HEATR6: variants seen among roughly 807,000 people sequenced by gnomAD.
HEATR6 encodes the protein HEAT repeat-containing protein 6.
A neutral mutation model predicts 132.8 loss-of-function variants in HEATR6; 106 were observed. The observed-to-expected ratio is 0.80, with a 90% CI of 0.68 to 0.94. The LOEUF is 0.94. Among genes scored for constraint, HEATR6 ranks in the 40% least tolerant of loss-of-function variants. HEATR6 has a pLI of 0.00. For missense variants in HEATR6, 1,339 were observed against 1,425.1 expected, an observed-to-expected ratio of 0.94 and a Z score of 0.97; for synonymous variants, 529 against 537.8, an observed-to-expected ratio of 0.98 and a Z score of 0.23.
chr17:60,070,815 G>T lies in HEATR6; in HGVS notation c.700-8C>A. On this transcript the variant is annotated splice_region_variant and splice_polypyrimidine_tract_variant and intron_variant, in intron 5 of 19. Transcript: ENST00000184956. ...TAATGCATTTTGCAATAACTAGGGGGAAAAGGGAGACCCAGTTAGAAGGCA... is the reference window on the plus strand; with the variant it reads ...TAATGCATTTTGCAATAACTAGGGGTAAAAGGGAGACCCAGTTAGAAGGCA... The T allele has an allele frequency of 7.0e-7, 1 of 1,424,146 alleles. No individual in the cohort carries two copies. Among genetic ancestry groups the T allele is most frequent in the Non-Finnish European group, 9.9e-7 (1 of 1,006,958 alleles). The allele number at this position is 1,424,146 out of a possible 1,614,324, so 88.2% of individuals were successfully genotyped here. A position where few individuals can be genotyped will look rare whatever the true frequency, so the allele number is the denominator to read the frequency against.
chr17:60,078,206 C>A (rs2083306012), intron 1 of HEATR6, among the ~76,000 whole-genome samples: 1 of 152,126 alleles, frequency 6.6e-6, no homozygotes, highest in African/African-American at 2.4e-5. Flanking sequence ...AGGGGAGGAG[C>A]TAGTGTGTAG....
Position 60,043,180 on chromosome 17 carries a change from G to A in HEATR6, c.*383C>T. On this transcript the variant is annotated 3_prime_UTR_variant, in exon 20 of 20. Transcript: ENST00000184956. ...GAAATACAACTTGGTAACAACAGGAGATTGTGGACACACTATTTTTCGTTA... is the reference window on the plus strand; with the variant it reads ...GAAATACAACTTGGTAACAACAGGAAATTGTGGACACACTATTTTTCGTTA... The A allele has an allele frequency of 4.0e-6, 1 of 251,298 alleles. No homozygotes were observed. The highest frequency in any genetic ancestry group is 7.9e-6 in the Non-Finnish European group (1 of 127,152). 15.6% of individuals were successfully genotyped at this position (251,298 alleles called of 1,614,324 possible).
chr17:60,071,619 A>C (rs2145200683), intron 5 of HEATR6, among the ~76,000 whole-genome samples: 1 of 152,358 alleles, frequency 6.6e-6, no homozygotes, highest in South Asian at 2.1e-4. Flanking sequence ...ACAGGAACCG[A>C]ATAGATGTCC....
In HEATR6 at chr17:60,055,564, T is replaced by C. The variant is rs947799635; in HGVS notation, c.2240A>G (p.Tyr747Cys). ...AGGTGCTGCAGTGGAGTCTGGTTTA[T>C]ACTGCTGTATTAAGCCTGTGCCCAG... ...EELGTGLIQQ[Y>C]KPDSTAAPDQ... The change falls in exon 14 of 20, where the codon TAT becomes TGT. Residue 747 changes from tyrosine (Y) to cysteine (C), a missense_variant. Physicochemically the swap from Tyr to Cys is radical, Grantham distance 194. Transcript: ENST00000184956. The C allele has an allele frequency of 1.2e-5, 19 of 1,613,500 alleles. No homozygotes were observed. In the African/African-American group the frequency reaches 1.3e-4, roughly 11 times the overall value.
At position 60,043,297 on chromosome 17, in the gene HEATR6, C is replaced by A; in HGVS notation, c.*266G>T. The A allele has an allele frequency of 2.4e-6, 1 of 419,372 alleles. No homozygotes were observed. The highest frequency in any genetic ancestry group is 4.2e-6 in the Non-Finnish European group (1 of 235,550). The allele number at this position is 419,372 out of a possible 1,614,324, so 26.0% of individuals were successfully genotyped here. On this transcript the variant is annotated 3_prime_UTR_variant, in exon 20 of 20. Coordinates refer to ENST00000184956, the MANE Select transcript of HEATR6 (RefSeq NM_022070.5). The stretch of plus-strand genomic sequence containing the variant: ...TTCTGAGACTAAATGCCCTCAAAGC[C>A]CGTCTGCTTGGCCTGTATTACAACC...
Position 60,055,542 on chromosome 17 carries a change from T to G in HEATR6, c.2262A>C (p.Ala754=), listed in dbSNP as rs1906712985. 1.2e-6 allele frequency: 2 copies of G among 1,612,778 alleles called. No homozygotes were observed. The highest frequency in any genetic ancestry group is 1.7e-6 in the Non-Finnish European group (2 of 1,179,348). The change falls in exon 14 of 20, where the codon GCA becomes GCC. Residue 754 remains alanine, a synonymous_variant. Coordinates refer to ENST00000184956, the MANE Select transcript of HEATR6 (RefSeq NM_022070.5). ...AGAAGACTGGTGCTCTCTGATCAGG[T>G]GCTGCAGTGGAGTCTGGTTTATACT... The part of the protein sequence containing the change: ...IQQYKPDSTA[A]PDQRAPVFLV...
At position 60,043,444 on chromosome 17, in the gene HEATR6, A is replaced by C; in HGVS notation, c.*119T>G. ...TGAAAATTTAAATGGCTGCTAAGTC[A>C]TTCTAAATAAATAGTGAACGGATTG... On this transcript the variant is annotated 3_prime_UTR_variant, in exon 20 of 20. Transcript: ENST00000184956. The C allele has an allele frequency of 1.1e-6, 1 of 897,824 alleles. No individual in the cohort carries two copies. The highest frequency in any genetic ancestry group is 2.5e-5 in the Admixed American group (1 of 40,756). The allele number at this position is 897,824 out of a possible 1,614,324, so 55.6% of individuals were successfully genotyped here. A position where few individuals can be genotyped will look rare whatever the true frequency, so the allele number is the denominator to read the frequency against.
At chr17:60,074,187 A>C in intron 2 of HEATR6, 3 of 1,025,698 alleles carry the variant, frequency 2.9e-6, no homozygotes, top group Non-Finnish European at 3.6e-6. Flanking sequence ...TGAGTATTTC[A>C]ACGCACTGAA....
intron 5 of HEATR6, among the ~76,000 whole-genome samples, chr17:60,071,381 T>G (rs1428936918): frequency 6.6e-6 from 1 of 152,166 alleles, no homozygotes; most frequent in Non-Finnish European, 1.5e-5. Context: ...ACTTCAATTT[T>G]GATGATTATG....
chr17:60,059,347 T>G, intron 11 of HEATR6, 75 bp downstream of exon 11: 2 of 803,232 alleles, frequency 2.5e-6, no homozygotes, highest in Non-Finnish European at 4.1e-6. Flanking sequence ...TACATATATC[T>G]ATATCTGTAT....
At position 60,057,162 on chromosome 17, in the gene HEATR6, T is replaced by G. The variant is rs1328693603; in HGVS notation, c.1965A>C (p.Arg655=). Residue 655 remains arginine, a synonymous_variant, in exon 12 of 20, where the codon CGA becomes CGC. Coordinates refer to ENST00000184956, the MANE Select transcript of HEATR6 (RefSeq NM_022070.5). ...GCAGTACGACAATGGAAATGCAGAG[T>G]CGAATGAGCCAGCAGGGCTCTGAAG... ...KGSSEPCWLI[R]LCISIVVLPK... is the part of the protein sequence containing the mutation. 18 of 1,613,414 alleles carry G rather than the reference T, an allele frequency of 1.1e-5. No homozygotes were observed. The highest frequency in any genetic ancestry group is 3.3e-4 in the Middle Eastern group (2 of 6,084).
At chr17:60,076,093 T>C (rs1251480081) in intron 2 of HEATR6, 37 bp downstream of exon 2, 1 of 1,241,894 alleles carries the variant, frequency 8.1e-7, no homozygotes, top group South Asian at 1.2e-5. Context: ...ACTCTCAAAG[T>C]TCATGATCTG....
In HEATR6 at chr17:60,076,209, C is replaced by A. The variant is rs2083295700; in HGVS notation, c.248G>T (p.Cys83Phe). ...ATTCTGATTAAGAGGTACCAGTCGG[C>A]AAGCCTGGACAAGAAGAGCACTAAC... ...EDVSALLVQA[C>F]RLVPLNQNHL... The change falls in exon 2 of 20, where the codon TGC becomes TTC. Residue 83 changes from cysteine (C) to phenylalanine (F), a missense_variant. Coordinates refer to ENST00000184956, the MANE Select transcript of HEATR6 (RefSeq NM_022070.5). The A allele has an allele frequency of 6.2e-7, 1 of 1,607,104 alleles. No individual in the cohort carries two copies. The highest frequency in any genetic ancestry group is 1.3e-5 in the African/African-American group (1 of 74,442).
chr17:60,046,110 A>G lies in HEATR6; in HGVS notation c.2889T>C (p.Thr963=), dbSNP rs1906356766. Residue 963 remains threonine (T), a synonymous_variant, in exon 19 of 20, where the codon ACT becomes ACC. Transcript: ENST00000184956. Reference sequence around the variant, plus strand: ...CTTTCATGGCAGCTTCTGTTAGAACAGTAGAAATTAGGGCCTGGATAGACT... The same window carrying G: ...CTTTCATGGCAGCTTCTGTTAGAACGGTAGAAATTAGGGCCTGGATAGACT... ...IEESIQALIS[T]VLTEAAMKVR... The G allele has an allele frequency of 6.2e-7, 1 of 1,614,064 alleles. No homozygotes were observed. Among genetic ancestry groups the G allele is most frequent in the Non-Finnish European group, 8.5e-7 (1 of 1,179,922 alleles).
At chr17:60,066,503 CA>C in intron 8 of HEATR6, 117 bp from the exon 9 acceptor site, 1 of 757,696 alleles carries the variant, frequency 1.3e-6, no homozygotes, top group South Asian at 2.1e-5. Context: ...AAAAATTAAA[CA>C]TTCTAAATAA....
intron 14 of HEATR6, among the ~76,000 whole-genome samples, chr17:60,052,434 T>C (rs78050950): frequency 6.6e-6 from 1 of 152,226 alleles, no homozygotes; most frequent in East Asian, 1.9e-4. Context: ...CTTTTTTTTT[T>C]CACAGATGAA....
In HEATR6 at chr17:60,048,971, ACATATATATATAATATATAT is replaced by A. The variant is rs1236656053; in HGVS notation, c.2547+589_2548-584del. 9.9e-4 allele frequency among the ~76,000 whole-genome samples: 105 copies of A among 106,496 alleles called. 1 individual carries two copies. The highest frequency in any genetic ancestry group is 3.8e-3 in the African/African-American group (91 of 23,832). The allele number at this position is 106,496 out of a possible 152,430, so 69.9% of individuals were successfully genotyped here. A position where few individuals can be genotyped will look rare whatever the true frequency, so the allele number is the denominator to read the frequency against. On this transcript the variant is annotated intron_variant, in intron 16 of 19. Coordinates refer to ENST00000184956, the MANE Select transcript of HEATR6 (RefSeq NM_022070.5). The stretch of plus-strand genomic sequence containing the variant: ...AGTAATTAAAAATTAAAAATAAATA[ACATATATATATAATATATAT>A]ATATATATATATATATATATATATA...
At chr17:60,062,102 C>G (rs1266626885) in intron 9 of HEATR6, among the ~76,000 whole-genome samples, 2 of 152,190 alleles carry the variant, frequency 1.3e-5, no homozygotes, top group Non-Finnish European at 2.9e-5. Context: ...GTACTTCTCA[C>G]AGTTCTGAGT....
At chr17:60,068,609 A>G (rs1486220668) in intron 7 of HEATR6, among the ~76,000 whole-genome samples, 1 of 150,206 alleles carries the variant, frequency 6.7e-6, no homozygotes, top group Non-Finnish European at 1.5e-5. Context: ...TCTGCTACAC[A>G]ACGGCTCCAC....
Sources: gnomAD v4.1 joint callset for allele counts (sites outside exome capture counted in the v4.1 genomes callset) on GRCh38, gnomAD v4.1.1 for gene constraint, MANE v1.5 for transcripts, NCBI Gene and HGNC (gene_info 2026-07-23, HGNC 2026-07-21) for gene names.